PHF21A: variants seen among roughly 807,000 people sequenced by gnomAD.
PHF21A encodes PHD finger protein 21A.
A neutral mutation model predicts 82.5 loss-of-function variants in PHF21A; 11 were observed. The observed-to-expected ratio is 0.13, with a 90% CI of 0.08 to 0.22. The LOEUF (loss-of-function observed/expected upper bound fraction) is 0.22, where lower values mean the gene tolerates loss of function less well. Among genes scored for constraint, PHF21A ranks in the 10% least tolerant of loss-of-function variants. The pLI is 1.00. For missense variants in PHF21A, 579 were observed against 837.8 expected (o/e 0.69, Z 3.81); for synonymous variants, 297 against 302.8 (o/e 0.98, Z 0.20).
intron 1 of PHF21A, among the ~76,000 whole-genome samples, chr11:46,108,567 G>GTATA (rs146891624): frequency 0.018 from 1,099 of 62,194 alleles, 9 homozygotes; most frequent in East Asian, 0.027. Context: ...GTGTGTGTGT[G>GTATA]TATATATATA....
intron 6 of PHF21A, among the ~76,000 whole-genome samples, chr11:45,989,324 C>T (rs1043340110): frequency 6.6e-6 from 1 of 151,922 alleles, no homozygotes; most frequent in African/African-American, 2.4e-5. Flanking sequence ...AAAGCATGAA[C>T]GATCTCTTAA....
chr11:45,981,383 A>G (rs2094274496), intron 6 of PHF21A, among the ~76,000 whole-genome samples: 1 of 129,820 alleles, frequency 7.7e-6, no homozygotes, highest in Non-Finnish European at 1.6e-5. Flanking sequence ...ACAGAGTGAA[A>G]CCCTGTCTCA....
intron 6 of PHF21A, among the ~76,000 whole-genome samples, chr11:46,004,590 G>A (rs577752096): frequency 1.3e-5 from 2 of 152,122 alleles, no homozygotes; most frequent in Non-Finnish European, 2.9e-5. Flanking sequence ...CAACATAAAA[G>A]TTTTAAAGAA....
At chr11:45,963,199 C>G (rs1251739066) in intron 10 of PHF21A, among the ~76,000 whole-genome samples, 1 of 151,828 alleles carries the variant, frequency 6.6e-6, no homozygotes, top group East Asian at 1.9e-4. Flanking sequence ...GCAGGTGGGT[C>G]GCCTGAGGTC....
At chr11:46,000,857 T>C (rs1174476842) in intron 6 of PHF21A, among the ~76,000 whole-genome samples, 4 of 151,764 alleles carry the variant, frequency 2.6e-5, no homozygotes, top group African/African-American at 9.7e-5. Flanking sequence ...GAGATGGAGG[T>C]TGCAGTGAGC....
chr11:46,070,735 GA>G (rs1227246930), intron 6 of PHF21A, among the ~76,000 whole-genome samples: 1 of 152,206 alleles, frequency 6.6e-6, no homozygotes, highest in Non-Finnish European at 1.5e-5. Context: ...AGAAATAGAA[GA>G]AGGTGTGAAA....
chr11:46,059,311 T>C (rs1240778964), intron 6 of PHF21A, among the ~76,000 whole-genome samples: 1 of 152,194 alleles, frequency 6.6e-6, no homozygotes, highest in African/African-American at 2.4e-5. Context: ...TAGGATACTA[T>C]CAAGCCACTA....
At chr11:45,969,729 A>G in intron 9 of PHF21A, 86 bp downstream of exon 9, 4 of 847,890 alleles carry the variant, frequency 4.7e-6, no homozygotes, top group Middle Eastern at 2.2e-4. Context: ...TGGGCTGACA[A>G]GCCCCATTAC....
At chr11:45,936,215 C>G (rs1178503148) in intron 17 of PHF21A, among the ~76,000 whole-genome samples, 1 of 152,128 alleles carries the variant, frequency 6.6e-6, no homozygotes, top group African/African-American at 2.4e-5. Flanking sequence ...GAGGAGGAAG[C>G]TGCAGTGGGC....
At chr11:46,067,115 G>C (rs977861294) in intron 6 of PHF21A, among the ~76,000 whole-genome samples, 3 of 151,986 alleles carry the variant, frequency 2.0e-5, no homozygotes, top group African/African-American at 7.3e-5. Context: ...ACTTACTAAT[G>C]CACCTTGATT....
intron 15 of PHF21A, among the ~76,000 whole-genome samples, chr11:45,941,734 C>T (rs1303022701): frequency 6.6e-6 from 1 of 152,192 alleles, no homozygotes; most frequent in Non-Finnish European, 1.5e-5. Flanking sequence ...CAAATTATTA[C>T]TATAAACCAG....
chr11:46,025,327 T>C (rs760388967), intron 6 of PHF21A, among the ~76,000 whole-genome samples: 30 of 152,294 alleles, frequency 2.0e-4, no homozygotes, highest in Non-Finnish European at 3.5e-4. Context: ...TTTCACACAA[T>C]ATGACCAATA....
chr11:46,081,766 C>A (rs1265026752), intron 4 of PHF21A, among the ~76,000 whole-genome samples: 2 of 152,192 alleles, frequency 1.3e-5, no homozygotes, highest in Non-Finnish European at 2.9e-5. Context: ...CCAAATCTGG[C>A]CCACCACCTG....
At chr11:46,104,292 G>C (rs548838114) in intron 1 of PHF21A, among the ~76,000 whole-genome samples, 4 of 152,108 alleles carry the variant, frequency 2.6e-5, no homozygotes, top group Non-Finnish European at 5.9e-5. Context: ...CTGACCAGCT[G>C]ATGAGTATTT....
At chr11:45,934,577 T>G in intron 18 of PHF21A, 4 of 241,430 alleles carry the variant, frequency 1.7e-5, no homozygotes, top group Non-Finnish European at 2.4e-5. Context: ...CCCACAGCTG[T>G]CCTGCAGCCT....
Position 45,979,865 on chromosome 11 carries a change from T to C in PHF21A, c.255A>G (p.Gln85=). 6.2e-7 allele frequency: 1 copy of C among 1,614,194 alleles called. No individual in the cohort carries two copies. Among genetic ancestry groups the C allele is most frequent in the Non-Finnish European group, 8.5e-7 (1 of 1,180,038 alleles). ...QPLPQSENKL[Q]TAQQQPLQQL... ...GCTGTAGTGGTTGCTGCTGTGCTGT[T>C]TGTAGTTTGTTTTCAGATTGTGGCA... is the stretch of plus-strand genomic sequence containing the variant. The change falls in exon 7 of 19, where the codon CAA becomes CAG. Residue 85 remains glutamine (Q), a synonymous_variant. Coordinates refer to ENST00000676320, the MANE Select transcript of PHF21A (RefSeq NM_001352027.3).
At chr11:46,076,691 C>T in intron 6 of PHF21A, 63 bp downstream of exon 6, 1 of 1,318,568 alleles carries the variant, frequency 7.6e-7, no homozygotes, top group African/African-American at 1.4e-5. Flanking sequence ...TCTTAGAAGC[C>T]TCGAGCAGAC....
intron 6 of PHF21A, among the ~76,000 whole-genome samples, chr11:46,064,238 ATTC>A (rs2139599143): frequency 6.6e-6 from 1 of 152,318 alleles, no homozygotes; most frequent in African/African-American, 2.4e-5. Context: ...TATCTTTAAT[ATTC>A]TTCTTGGTCA....
intron 6 of PHF21A, among the ~76,000 whole-genome samples, chr11:45,989,844 C>A (rs956561343): frequency 6.6e-6 from 1 of 151,212 alleles, no homozygotes; most frequent in Non-Finnish European, 1.5e-5. Context: ...ACAAAAAATA[C>A]AAAAATTAGC....
Sources: allele counts gnomAD v4.1 joint callset (sites outside exome capture counted in the v4.1 genomes callset), GRCh38; gene constraint gnomAD v4.1.1; transcripts MANE v1.5; gene names NCBI Gene and HGNC (gene_info 2026-07-23, HGNC 2026-07-21).